Variants in SYNE2 observed in about 807,000 individuals in gnomAD.
The protein encoded by SYNE2 is spectrin repeat containing nuclear envelope protein 2.
Under a neutral mutation model 856.3 loss-of-function variants are expected in SYNE2, and 431 were observed. The ratio of observed to expected loss-of-function variants is 0.50; its 90% CI spans 0.47 to 0.55. The LOEUF (loss-of-function observed/expected upper bound fraction) is 0.55, where lower values mean the gene tolerates loss of function less well. Ranked by LOEUF, SYNE2 falls within the 20% of genes least tolerant of loss-of-function variation. SYNE2 has a pLI of 0.00. For synonymous variants in SYNE2, 2,923 were observed against 2,872.3 expected (o/e 1.02, Z -0.56); for missense variants, 8,129 against 8,023.2 (o/e 1.01, Z -0.50).
At chr14:64,046,608 G>C (rs568920805) in intron 45 of SYNE2, among the ~76,000 whole-genome samples, 1 of 152,142 alleles carries the variant, frequency 6.6e-6, no homozygotes, top group Non-Finnish European at 1.5e-5. Flanking sequence ...CACCTACCTC[G>C]GCCTCCCAAA....
rs765783307 is a variant in SYNE2 at position 64,051,759 on chromosome 14, A to C, written c.7846A>C (p.Lys2616Gln). ...GGAACAAGTGGAACAGCAGATTCAA[A>C]AGAAGTATTCTCAGCAGGTAGTGGA... ...GWEQVEQQIQ[K>Q]KYSQQVVEYD... The change falls in exon 48 of 116, where the codon AAG becomes CAG. Residue 2616 changes from lysine to glutamine, a missense_variant. Lys to Gln is a moderately conservative substitution (Grantham distance 53). Transcript: ENST00000555002. 12 of 1,614,120 alleles carry C rather than the reference A, an allele frequency of 7.4e-6. No homozygotes were observed. The African/African-American group carries it at 1.2e-4, about 16-fold the overall frequency.
Position 63,981,137 on chromosome 14 carries a change from T to C in SYNE2, c.1800T>C (p.Ala600=). 2 of 1,613,840 alleles carry C rather than the reference T, an allele frequency of 1.2e-6. No individual in the cohort carries two copies. The highest frequency in any genetic ancestry group is 1.7e-6 in the Non-Finnish European group (2 of 1,179,808). The change falls in exon 16 of 116, where the codon GCT becomes GCC. Residue 600 remains alanine (A), a synonymous_variant. Transcript: ENST00000555002. ...TGGAAAACCTTCGCTTACTAAGGGC[T>C]TGCTTTGAGGAGACAAAGAAGGAAG... is the stretch of plus-strand genomic sequence containing the variant. ...TYVENLRLLR[A]CFEETKKEEI...
At chr14:64,137,395 A>G (rs1003526228) in intron 78 of SYNE2, among the ~76,000 whole-genome samples, 1 of 152,100 alleles carries the variant, frequency 6.6e-6, no homozygotes, top group Admixed American at 6.5e-5. Context: ...GATTACAGGC[A>G]TGCGCCACCA....
At chr14:63,960,637 T>G (rs1247526102) in intron 8 of SYNE2, 16 of 608,460 alleles carry the variant, frequency 2.6e-5, no homozygotes, top group Middle Eastern at 5.1e-4. Context: ...TCTTCATTGC[T>G]TGTTTAGGTC....
At chr14:63,919,971 A>ATTTTTT (rs2095577326) in intron 2 of SYNE2, among the ~76,000 whole-genome samples, 1 of 94,566 alleles carries the variant, frequency 1.1e-5, no homozygotes, top group African/African-American at 7.1e-5. Flanking sequence ...ATAAAAGGTA[A>ATTTTTT]GTTTTTTTTT....
chr14:64,068,401 T>C (rs561407669), intron 51 of SYNE2, among the ~76,000 whole-genome samples: 1 of 152,312 alleles, frequency 6.6e-6, no homozygotes, highest in East Asian at 1.9e-4. Context: ...CTTTTGAGTT[T>C]ACTTTTTTTC....
intron 96 of SYNE2, among the ~76,000 whole-genome samples, chr14:64,182,350 AATTTAATTT>A (rs1392160749): frequency 7.4e-5 from 10 of 134,400 alleles, no homozygotes; most frequent in African/African-American, 1.2e-4. Context: ...AGTCTGGGGC[AATTTAATTT>A]ATTTATTTAT....
rs1164477989 is a variant in SYNE2, at chr14:63,978,837, T to TGTC, written c.1407-14_1407-13insTCG. On this transcript the variant is annotated splice_polypyrimidine_tract_variant and intron_variant, in intron 13 of 115. Transcript: ENST00000555002. ...TAATATTAAGTTAAATTCCAAAACC[T>TGTC]GCACTGTTTTCCAGAATCAACAACA... 1.2e-6 allele frequency: 2 copies of TGTC among 1,607,614 alleles called. No homozygotes were observed. The highest frequency in any genetic ancestry group is 1.3e-5 in the African/African-American group (1 of 74,852).
At chr14:64,149,320 AAAAAG>A (rs2098219051) in intron 84 of SYNE2, among the ~76,000 whole-genome samples, 2 of 152,162 alleles carry the variant, frequency 1.3e-5, no homozygotes, top group South Asian at 2.1e-4. Flanking sequence ...ACAGAAAGAA[AAAAAG>A]AAAAGAAAAT....
At chr14:64,065,052 A>G (rs1026229748) in intron 50 of SYNE2, among the ~76,000 whole-genome samples, 1 of 151,794 alleles carries the variant, frequency 6.6e-6, no homozygotes, top group Non-Finnish European at 1.5e-5. Flanking sequence ...TTTAATAGAG[A>G]TAGGGTTTCA....
intron 1 of SYNE2, among the ~76,000 whole-genome samples, chr14:63,901,775 T>A (rs576146256): frequency 1.2e-3 from 179 of 152,118 alleles, no homozygotes; most frequent in Non-Finnish European, 2.1e-3. Context: ...AATTTAAAAA[T>A]TAGCCAAGCG....
chr14:64,122,044 T>C lies in SYNE2; in HGVS notation c.13191T>C (p.Asp4397=). 6.2e-7 allele frequency: 1 copy of C among 1,613,856 alleles called. No homozygotes were observed. The highest frequency in any genetic ancestry group is 8.5e-7 in the Non-Finnish European group (1 of 1,179,998). Reference sequence around the variant, plus strand: ...AGTTAAAACCAATGGAACAGAAAGATTTCATCAAATTCATAGAATTTAATG... The same window carrying C: ...AGTTAAAACCAATGGAACAGAAAGACTTCATCAAATTCATAGAATTTAATG... ...VLELKPMEQK[D]FIKFIEFNAK... The change falls in exon 69 of 116, where the codon GAT becomes GAC. Residue 4397 remains aspartate (D), a synonymous_variant. Transcript: ENST00000555002.
At chr14:63,928,657 C>G (rs562815251) in intron 2 of SYNE2, among the ~76,000 whole-genome samples, 1 of 151,782 alleles carries the variant, frequency 6.6e-6, no homozygotes, top group Non-Finnish European at 1.5e-5. Context: ...GTTTTTATTC[C>G]TTAATTTGTT....
chr14:64,048,277 T>C, intron 46 of SYNE2, 122 bp downstream of exon 46: 1 of 866,466 alleles, frequency 1.2e-6, no homozygotes, highest in Non-Finnish European at 1.8e-6. Flanking sequence ...CTTTGCCTGA[T>C]GATCAATTTG....
intron 42 of SYNE2, among the ~76,000 whole-genome samples, chr14:64,026,936 CTCTTAAATATTTATTTTAAGAAAT>C (rs2096984937): frequency 6.6e-6 from 1 of 152,168 alleles, no homozygotes; most frequent in Non-Finnish European, 1.5e-5. Flanking sequence ...ATAATTAATG[CTCTTAAATATTTATTTTAAGAAAT>C]TCTTAAATAT....
At chr14:64,173,099 G>C (rs2098418651) in intron 94 of SYNE2, among the ~76,000 whole-genome samples, 1 of 152,186 alleles carries the variant, frequency 6.6e-6, no homozygotes, top group Non-Finnish European at 1.5e-5. Context: ...GTGAGTCCGG[G>C]TCTTAGGCAG....
chr14:64,140,023 AATGTGTCTCAGGACTTGG>A lies in SYNE2; in HGVS notation c.14929_14946del (p.Val4977_Asp4982del). On this transcript the variant is annotated inframe_deletion, in exon 80 of 116. Transcript: ENST00000555002. ...GAATTACTGGAAAGAACAGTCCCTC[AATGTGTCTCAGGACTTGG>A]ATACAATCAGAAGCAACATCAACAA... is the stretch of plus-strand genomic sequence containing the variant. 2 of 1,614,010 alleles carry A rather than the reference AATGTGTCTCAGGACTTGG, an allele frequency of 1.2e-6. No individual in the cohort carries two copies. The highest frequency in any genetic ancestry group is 1.7e-6 in the Non-Finnish European group (2 of 1,179,960).
chr14:63,968,212 G>A (rs573340953), intron 11 of SYNE2, among the ~76,000 whole-genome samples: 2 of 152,232 alleles, frequency 1.3e-5, no homozygotes, highest in East Asian at 1.9e-4. Context: ...TTGGATGAGG[G>A]CTTTATTTTA....
At chr14:63,903,795 C>G (rs1369520667) in intron 1 of SYNE2, among the ~76,000 whole-genome samples, 1 of 141,904 alleles carries the variant, frequency 7.0e-6, no homozygotes, top group African/African-American at 2.5e-5. Context: ...GATTAATATT[C>G]AATGAAATGG....
Sources: allele counts gnomAD v4.1 joint callset (sites outside exome capture counted in the v4.1 genomes callset), GRCh38; gene constraint gnomAD v4.1.1; transcripts MANE v1.5; gene names NCBI Gene and HGNC (gene_info 2026-07-23, HGNC 2026-07-21).